The following RAB5IF variants were observed in gnomAD, a reference collection of about 807,000 sequenced individuals.
The protein encoded by RAB5IF is RAB5 interacting factor.
Under a neutral mutation model 20.3 loss-of-function variants are expected in RAB5IF, and 15 were observed. The observed-to-expected ratio is 0.74, with a 90% CI of 0.50 to 1.14. The LOEUF (loss-of-function observed/expected upper bound fraction) is 1.14, where lower values mean the gene tolerates loss of function less well. Ranked by LOEUF, RAB5IF falls within the 50% of genes most tolerant of loss-of-function variation. The pLI, the probability that RAB5IF is intolerant of heterozygous loss-of-function variation, is 0.00. For synonymous variants in RAB5IF, 67 were observed against 63.7 expected (o/e 1.05, Z -0.25); for missense variants, 148 against 159.5 (o/e 0.93, Z 0.39).
chr20:36,609,542 G>C (rs747679846), intron 2 of RAB5IF, 59 bp from the exon 3 acceptor site: 69 of 1,519,702 alleles, frequency 4.5e-5, no homozygotes, highest in Non-Finnish European at 5.6e-5. Context: ...ACCCGGCCCC[G>C]AGTTCTGAGT....
rs552496414 is a variant in RAB5IF at position 36,609,615 on chromosome 20, A to T, written c.233A>T (p.Asn78Ile). The change falls in exon 3 of 4, where the codon AAT (asparagine) becomes ATT (isoleucine). Residue 78 changes from asparagine (N) to isoleucine (I), a missense_variant. Transcript: ENST00000344795. The stretch of plus-strand genomic sequence containing the variant: ...TGTTGCTCCAGATTCTGCCTGATCA[A>T]TGCAGGAGTCCTGTACCTCTACTTC... ...FLGIAGFCLI[N>I]AGVLYLYFSN... 1 of 1,604,716 alleles carries T rather than the reference A, an allele frequency of 6.2e-7. No individual in the cohort carries two copies. Among genetic ancestry groups the T allele is most frequent in the African/African-American group, 1.3e-5 (1 of 74,808 alleles).
At chr20:36,606,912 G>A (rs1397827480) in intron 1 of RAB5IF, among the ~76,000 whole-genome samples, 1 of 152,198 alleles carries the variant, frequency 6.6e-6, no homozygotes, top group Non-Finnish European at 1.5e-5. Flanking sequence ...CTGTAAAGGG[G>A]GATGGGAGGC....
chr20:36,610,883 A>G (rs369822078), intron 3 of RAB5IF, among the ~76,000 whole-genome samples: 1 of 152,154 alleles, frequency 6.6e-6, no homozygotes, highest in African/African-American at 2.4e-5. Context: ...AGTGGCTGGG[A>G]GGAGGGGATG....
chr20:36,606,501 G>A (rs2038937797), intron 1 of RAB5IF, among the ~76,000 whole-genome samples: 1 of 152,204 alleles, frequency 6.6e-6, no homozygotes, highest in Non-Finnish European at 1.5e-5. Context: ...CTCTGCAAGC[G>A]GAATCTCGTT....
At chr20:36,611,865 A>G in intron 3 of RAB5IF, 145 bp from the exon 4 acceptor site, 2 of 1,074,198 alleles carry the variant, frequency 1.9e-6, no homozygotes, top group Non-Finnish European at 2.7e-6. Context: ...TTTCAGTGAA[A>G]TAATTTAGAC....
chr20:36,607,052 A>G (rs2038951033), intron 1 of RAB5IF, among the ~76,000 whole-genome samples: 1 of 152,198 alleles, frequency 6.6e-6, no homozygotes, highest in South Asian at 2.1e-4. Flanking sequence ...AGGGCAGATC[A>G]GAAACCTGAG....
chr20:36,607,524 C>G (rs2038962968), intron 1 of RAB5IF, among the ~76,000 whole-genome samples, 191 bp from the exon 2 acceptor site: 1 of 152,158 alleles, frequency 6.6e-6, no homozygotes, highest in Non-Finnish European at 1.5e-5. Context: ...GCCACCACGC[C>G]CAGCCCCTAA....
At chr20:36,608,546 C>T (rs969972437) in intron 2 of RAB5IF, among the ~76,000 whole-genome samples, 67 of 145,996 alleles carry the variant, frequency 4.6e-4, no homozygotes, top group African/African-American at 1.7e-3. Context: ...GGTCTGGCAT[C>T]GGTCTCATTC....
Position 36,612,094 on chromosome 20 carries a change from C to T in RAB5IF, c.*43C>T, listed in dbSNP as rs753030412. On this transcript the variant is annotated 3_prime_UTR_variant, in exon 4 of 4. Transcript: ENST00000344795. ...GTGCTCCCTATCCAGTCCAAAGGAC[C>T]CTCTTGATTACAGCACAGGAACTTG... The T allele has an allele frequency of 2.5e-5, 40 of 1,614,152 alleles. No homozygotes were observed. The highest frequency in any genetic ancestry group is 3.3e-5 in the Admixed American group (2 of 60,020).
chr20:36,606,165 A>G (rs989724873), intron 1 of RAB5IF, 100 bp downstream of exon 1: 12 of 725,840 alleles, frequency 1.7e-5, no homozygotes, highest in South Asian at 5.5e-5. Flanking sequence ...TTCCGGCACA[A>G]TCGAGTAGGG....
chr20:36,612,256 C>G lies in RAB5IF; in HGVS notation c.*205C>G. ...TAAAAACCACCCACCTTTGGGGAAG[C>G]ATTTCTGAATTTATCCATCACCAAC... On this transcript the variant is annotated 3_prime_UTR_variant, in exon 4 of 4. Transcript: ENST00000344795. The G allele has an allele frequency of 6.3e-7, 1 of 1,597,866 alleles. No individual in the cohort carries two copies. Among genetic ancestry groups the G allele is most frequent in the South Asian group, 1.1e-5 (1 of 90,794 alleles).
intron 2 of RAB5IF, among the ~76,000 whole-genome samples, chr20:36,608,556 CTTTTTTTTTT>C (rs34058641): frequency 9.5e-6 from 1 of 104,888 alleles, no homozygotes; most frequent in Non-Finnish European, 2.0e-5. Flanking sequence ...CGGTCTCATT[CTTTTTTTTTT>C]TTTTTTTTTT....
At chr20:36,609,256 C>CACACACACACACTA (rs1555790839) in intron 2 of RAB5IF, among the ~76,000 whole-genome samples, 17 of 121,658 alleles carry the variant, frequency 1.4e-4, no homozygotes, top group Middle Eastern at 3.9e-3. Flanking sequence ...CACACACACA[C>CACACACACACACTA]TATATATAGA....
chr20:36,610,009 A>C lies in RAB5IF; in HGVS notation c.348+279A>C, dbSNP rs558536231. Among the ~76,000 whole-genome samples the C allele has an allele frequency of 1.5e-3, 229 of 152,296 alleles. 3 individuals are homozygous for C. Among genetic ancestry groups the C allele is most frequent in the African/African-American group, 5.4e-3 (223 of 41,570 alleles). On this transcript the variant is annotated intron_variant, in intron 3 of 3. Transcript: ENST00000344795. The stretch of plus-strand genomic sequence containing the variant: ...ATATTAGAAACTAGGAGGGCTGAGC[A>C]TGGTGGCTCACGCCTGTAATCCCAG...
At position 36,609,156 on chromosome 20, in the gene RAB5IF, T is replaced by TACACAC. The variant is rs765034845; in HGVS notation, c.219-412_219-407dup. 8.0e-3 allele frequency among the ~76,000 whole-genome samples: 136 copies of TACACAC among 17,038 alleles called. 23 individuals are homozygous for TACACAC. The highest frequency in any genetic ancestry group is 0.042 in the Middle Eastern group (1 of 24). 11.2% of individuals were successfully genotyped at this position (17,038 alleles called of 152,430 possible). A position where few individuals can be genotyped will look rare whatever the true frequency, so the allele number is the denominator to read the frequency against. Reference sequence around the variant, plus strand: ...TTCAAGGGGCTTTGGAGAACTATATTACACACACACACACACACACACACA... The same window carrying TACACAC: ...TTCAAGGGGCTTTGGAGAACTATATTACACACACACACACACACACACACACACACA... On this transcript the variant is annotated intron_variant, in intron 2 of 3. Transcript: ENST00000344795.
intron 2 of RAB5IF, among the ~76,000 whole-genome samples, chr20:36,609,201 A>ACACACAC (rs2039029060): frequency 1.7e-5 from 1 of 59,458 alleles, no homozygotes; most frequent in South Asian, 6.5e-4. Flanking sequence ...ACACGCACAC[A>ACACACAC]CGCACACACG....
rs1304584283 is a variant in RAB5IF at position 36,612,115 on chromosome 20, A to C, written c.*64A>C. ...GGACCCTCTTGATTACAGCACAGGA[A>C]CTTGATCGTTGGGGAACCCCAGCCC... is the stretch of plus-strand genomic sequence containing the variant. On this transcript the variant is annotated 3_prime_UTR_variant, in exon 4 of 4. Coordinates refer to ENST00000344795, the MANE Select transcript of RAB5IF (RefSeq NM_018840.5). The C allele has an allele frequency of 1.2e-6, 2 of 1,614,166 alleles. No homozygotes were observed. The highest frequency in any genetic ancestry group is 2.2e-5 in the East Asian group (1 of 44,896).
chr20:36,608,556 C>CTT (rs34058641), intron 2 of RAB5IF, among the ~76,000 whole-genome samples: 75 of 104,874 alleles, frequency 7.2e-4, no homozygotes, highest in South Asian at 1.3e-3. Flanking sequence ...CGGTCTCATT[C>CTT]TTTTTTTTTT....
At chr20:36,609,547 C>G (rs1260536430) in intron 2 of RAB5IF, 54 bp from the exon 3 acceptor site, 5 of 1,524,806 alleles carry the variant, frequency 3.3e-6, no homozygotes, top group South Asian at 1.3e-5. Flanking sequence ...GCCCCGAGTT[C>G]TGAGTCTTCT....
Sources: allele counts gnomAD v4.1 joint callset (sites outside exome capture counted in the v4.1 genomes callset), GRCh38; gene constraint gnomAD v4.1.1; transcripts MANE v1.5; gene names NCBI Gene and HGNC (gene_info 2026-07-23, HGNC 2026-07-21).